The following MEIKIN variants were observed in gnomAD, a reference collection of about 807,000 sequenced individuals.
MEIKIN encodes meiotic kinetochore factor.
intron 9 of MEIKIN, among the ~76,000 whole-genome samples, chr5:131,865,991 C>T (rs758577293): frequency 4.6e-5 from 7 of 152,164 alleles, no homozygotes; most frequent in Non-Finnish European, 7.3e-5. Context: ...GTTAGTGGAT[C>T]CAGGTAGCCA....
chr5:131,833,219 C>G (rs1749744060), intron 11 of MEIKIN, among the ~76,000 whole-genome samples: 1 of 152,188 alleles, frequency 6.6e-6, no homozygotes, highest in African/African-American at 2.4e-5. Context: ...TAAATCATCT[C>G]TCTCAAGTTC....
intron 11 of MEIKIN, among the ~76,000 whole-genome samples, chr5:131,843,671 G>C (rs953486522): frequency 5.3e-5 from 8 of 152,170 alleles, no homozygotes. Flanking sequence ...CTCCATCTGA[G>C]ACCTCATCAG....
intron 4 of MEIKIN, among the ~76,000 whole-genome samples, chr5:131,940,646 T>A (rs1472241915): frequency 6.6e-6 from 1 of 152,152 alleles, no homozygotes; most frequent in African/African-American, 2.4e-5. Flanking sequence ...TCTGAAATAG[T>A]GGCTTGCTTC....
At chr5:131,929,362 C>G (rs777624391) in intron 5 of MEIKIN, among the ~76,000 whole-genome samples, 4 of 152,128 alleles carry the variant, frequency 2.6e-5, no homozygotes, top group Admixed American at 6.5e-5. Context: ...ATGATTTTAG[C>G]CACTATTTCT....
chr5:131,871,655 T>C (rs978680911), intron 9 of MEIKIN, among the ~76,000 whole-genome samples: 1 of 152,110 alleles, frequency 6.6e-6, no homozygotes, highest in Non-Finnish European at 1.5e-5. Flanking sequence ...GAGTAGTGGT[T>C]CTCCCAGCAC....
intron 11 of MEIKIN, among the ~76,000 whole-genome samples, chr5:131,830,609 G>A (rs1749699017): frequency 6.6e-6 from 1 of 152,232 alleles, no homozygotes; most frequent in African/African-American, 2.4e-5. Flanking sequence ...AAGTAAGCAA[G>A]TGACCCAGGA....
intron 11 of MEIKIN, among the ~76,000 whole-genome samples, chr5:131,834,222 CAAAT>C (rs1015101542): frequency 1.3e-5 from 2 of 152,060 alleles, no homozygotes; most frequent in African/African-American, 2.4e-5. Context: ...GTATAATTGA[CAAAT>C]AAAAATTGCA....
intron 11 of MEIKIN, among the ~76,000 whole-genome samples, chr5:131,826,085 TC>T (rs373105167): frequency 6.1e-4 from 80 of 130,562 alleles, no homozygotes; most frequent in Middle Eastern, 4.7e-3. Flanking sequence ...TTTCTTGTTT[TC>T]TTTTTTTTTT....
intron 5 of MEIKIN, among the ~76,000 whole-genome samples, chr5:131,924,032 C>G (rs1445380991): frequency 6.6e-6 from 1 of 152,096 alleles, no homozygotes; most frequent in African/African-American, 2.4e-5. Flanking sequence ...CTCTCTGCTT[C>G]TATGAGTTTG....
chr5:131,911,796 T>C lies in MEIKIN; in HGVS notation c.703+19A>G, dbSNP rs868622213. On this transcript the variant is annotated intron_variant, in intron 8 of 12. Coordinates refer to ENST00000442687, the MANE Select transcript of MEIKIN (RefSeq NM_001303622.2). ...TATTACAATTACTACATAAAATAAT[T>C]AGTTTCATTATTTGTTACCTGATTC... The C allele has an allele frequency of 1.8e-5, 7 of 397,258 alleles. No homozygotes were observed. Among genetic ancestry groups the C allele is most frequent in the African/African-American group, 4.1e-5 (2 of 48,694 alleles). 24.6% of individuals were successfully genotyped at this position (397,258 alleles called of 1,614,324 possible). A position where few individuals can be genotyped will look rare whatever the true frequency, so the allele number is the denominator to read the frequency against.
At chr5:131,855,392 T>C (rs1175021010) in intron 9 of MEIKIN, among the ~76,000 whole-genome samples, 2 of 152,102 alleles carry the variant, frequency 1.3e-5, no homozygotes, top group East Asian at 3.8e-4. Flanking sequence ...TTTTCTACTT[T>C]TTGAAGATAC....
chr5:131,884,645 A>G (rs1341468007), intron 8 of MEIKIN, among the ~76,000 whole-genome samples: 1 of 152,058 alleles, frequency 6.6e-6, no homozygotes, highest in South Asian at 2.1e-4. Flanking sequence ...GCCTGAGAAA[A>G]GTGAGGGAAA....
At chr5:131,867,325 C>A (rs1750400494) in intron 9 of MEIKIN, among the ~76,000 whole-genome samples, 1 of 152,156 alleles carries the variant, frequency 6.6e-6, no homozygotes, top group Non-Finnish European at 1.5e-5. Flanking sequence ...ACATCCTATA[C>A]AATAGTGGTC....
chr5:131,885,489 T>A (rs939149899), intron 8 of MEIKIN, among the ~76,000 whole-genome samples: 2 of 151,906 alleles, frequency 1.3e-5, no homozygotes, highest in Non-Finnish European at 2.9e-5. Context: ...TGCCTGGTAA[T>A]CCAGATAATT....
intron 8 of MEIKIN, among the ~76,000 whole-genome samples, chr5:131,886,860 GGTTT>G (rs1187107507): frequency 6.6e-6 from 1 of 151,692 alleles, no homozygotes; most frequent in African/African-American, 2.4e-5. Context: ...ACAACATGCA[GGTTT>G]GTTACACAGG....
chr5:131,812,137 A>G (rs1246927156), intron 12 of MEIKIN, among the ~76,000 whole-genome samples: 1 of 152,240 alleles, frequency 6.6e-6, no homozygotes, highest in African/African-American at 2.4e-5. Context: ...CTGTATGTAG[A>G]TAATATTAAA....
At chr5:131,862,531 T>C (rs1750304818) in intron 9 of MEIKIN, among the ~76,000 whole-genome samples, 1 of 152,168 alleles carries the variant, frequency 6.6e-6, no homozygotes, top group African/African-American at 2.4e-5. Flanking sequence ...ATCACTAAAT[T>C]CTTTACTGGA....
chr5:131,840,673 T>G (rs2149610950), intron 11 of MEIKIN, among the ~76,000 whole-genome samples: 1 of 152,342 alleles, frequency 6.6e-6, no homozygotes, highest in South Asian at 2.1e-4. Context: ...ATGAAATTCT[T>G]GTAGTGTGTT....
At chr5:131,898,910 G>T (rs948838125) in intron 8 of MEIKIN, among the ~76,000 whole-genome samples, 1 of 152,234 alleles carries the variant, frequency 6.6e-6, no homozygotes, top group East Asian at 1.9e-4. Context: ...GCCCTCCTTC[G>T]GCTTGCCTTC....
Sources: allele counts gnomAD v4.1 joint callset (sites outside exome capture counted in the v4.1 genomes callset), GRCh38; gene constraint gnomAD v4.1.1; transcripts MANE v1.5; gene names NCBI Gene and HGNC (gene_info 2026-07-23, HGNC 2026-07-21).